CNTNAP2: variants seen among roughly 807,000 people sequenced by gnomAD.
CNTNAP2 encodes contactin-associated protein-like 2.
CNTNAP2 carries 98 observed loss-of-function variants against 155.2 expected under a neutral mutation model. That is an observed-to-expected ratio of 0.63 (90% CI 0.54 to 0.75). CNTNAP2 has a LOEUF of 0.75. Ranked by LOEUF, CNTNAP2 falls within the 30% of genes least tolerant of loss-of-function variation. The probability of loss-of-function intolerance (pLI) is 0.00; values close to 1 mark genes in which losing one functional copy is unlikely to be tolerated. For missense variants in CNTNAP2, 1,727 were observed against 1,688.1 expected (o/e 1.02, Z -0.40); for synonymous variants, 651 against 631.2 (o/e 1.03, Z -0.47).
At position 146,895,229 on chromosome 7, in the gene CNTNAP2, C is replaced by CT. The variant is rs903287352; in HGVS notation, c.402+55331dup. On this transcript the variant is annotated intron_variant, in intron 3 of 23. Coordinates refer to ENST00000361727, the MANE Select transcript of CNTNAP2 (RefSeq NM_014141.6). ...TTCCTTCCTTCCTTTTCCTTCCTTCCTTTTTTCTTTCCTTCCTTATTCTTA... is the reference window on the plus strand; with the variant it reads ...TTCCTTCCTTCCTTTTCCTTCCTTCCTTTTTTTCTTTCCTTCCTTATTCTTA... Among the ~76,000 whole-genome samples, 6 of 150,450 alleles carry CT rather than the reference C, an allele frequency of 4.0e-5. No individual in the cohort carries two copies. The East Asian group carries it at 9.8e-4, about 25-fold the overall frequency.
intron 10 of CNTNAP2, among the ~76,000 whole-genome samples, chr7:147,408,454 G>A (rs1218564394): frequency 6.6e-6 from 1 of 152,168 alleles, no homozygotes; most frequent in Non-Finnish European, 1.5e-5. Context: ...GAATTTAGGG[G>A]GATCCTAATG....
chr7:148,233,657 C>G (rs1796000005), intron 20 of CNTNAP2, among the ~76,000 whole-genome samples: 1 of 152,208 alleles, frequency 6.6e-6, no homozygotes, highest in African/African-American at 2.4e-5. Context: ...TGTATTGGTG[C>G]TTACTGTGTC....
chr7:147,087,851 C>T (rs1800313186), intron 4 of CNTNAP2, among the ~76,000 whole-genome samples: 1 of 152,090 alleles, frequency 6.6e-6, no homozygotes, highest in Non-Finnish European at 1.5e-5. Context: ...GTGGCGCACA[C>T]CTGTAGTCCC....
At chr7:148,237,069 C>T (rs1796054240) in intron 20 of CNTNAP2, among the ~76,000 whole-genome samples, 1 of 152,198 alleles carries the variant, frequency 6.6e-6, no homozygotes, top group South Asian at 2.1e-4. Flanking sequence ...CTCTGTCTTT[C>T]AAGTCCCTAA....
At chr7:146,988,377 T>C (rs563685744) in intron 3 of CNTNAP2, among the ~76,000 whole-genome samples, 3 of 152,114 alleles carry the variant, frequency 2.0e-5, no homozygotes, top group Non-Finnish European at 4.4e-5. Context: ...TCTATCTTAT[T>C]TTCAGATCGT....
chr7:147,699,202 G>A (rs1049831073), intron 13 of CNTNAP2, among the ~76,000 whole-genome samples: 3 of 149,520 alleles, frequency 2.0e-5, no homozygotes, highest in African/African-American at 7.4e-5. Flanking sequence ...ACGGGTTGGA[G>A]TTCATGCCTC....
chr7:147,451,536 G>A (rs1797833708), intron 10 of CNTNAP2, among the ~76,000 whole-genome samples: 1 of 151,926 alleles, frequency 6.6e-6, no homozygotes, highest in African/African-American at 2.4e-5. Context: ...AGAAACAGTG[G>A]GAGTAATAAT....
At chr7:147,257,021 AAGTG>A (rs570801980) in intron 8 of CNTNAP2, among the ~76,000 whole-genome samples, 16 of 152,300 alleles carry the variant, frequency 1.1e-4, no homozygotes, top group South Asian at 6.2e-4. Flanking sequence ...CACGTGGACT[AAGTG>A]AGAGAATTTT....
At chr7:147,849,284 T>G (rs1279393735) in intron 13 of CNTNAP2, among the ~76,000 whole-genome samples, 1 of 152,244 alleles carries the variant, frequency 6.6e-6, no homozygotes, top group African/African-American at 2.4e-5. Flanking sequence ...AACACGATTA[T>G]GAATGTTAAT....
chr7:146,861,841 A>T (rs181728026), intron 3 of CNTNAP2, among the ~76,000 whole-genome samples: 219 of 152,304 alleles, frequency 1.4e-3, no homozygotes, highest in African/African-American at 4.9e-3. Flanking sequence ...AATATTTAAA[A>T]GATATCGTAT....
intron 14 of CNTNAP2, among the ~76,000 whole-genome samples, chr7:147,927,297 C>T (rs1800413145): frequency 6.6e-6 from 1 of 152,138 alleles, no homozygotes; most frequent in Non-Finnish European, 1.5e-5. Context: ...ACAGTCGCCA[C>T]TTATGCCATA....
chr7:147,294,002 T>C (rs1805367213), intron 8 of CNTNAP2, among the ~76,000 whole-genome samples: 1 of 152,182 alleles, frequency 6.6e-6, no homozygotes, highest in African/African-American at 2.4e-5. Flanking sequence ...TTTTAGAAGG[T>C]ACAGTTGAAA....
intron 1 of CNTNAP2, among the ~76,000 whole-genome samples, chr7:146,739,327 G>T (rs1197407428): frequency 1.3e-5 from 2 of 151,746 alleles, no homozygotes; most frequent in Non-Finnish European, 2.9e-5. Flanking sequence ...GCTCTCCCAG[G>T]GGTTTTGGTA....
chr7:146,529,673 A>G (rs1487326982), intron 1 of CNTNAP2, among the ~76,000 whole-genome samples: 1 of 152,084 alleles, frequency 6.6e-6, no homozygotes, highest in Non-Finnish European at 1.5e-5. Context: ...ACTGGCTAAT[A>G]TTAAAATGTA....
chr7:146,603,013 A>G (rs1425497357), intron 1 of CNTNAP2, among the ~76,000 whole-genome samples: 1 of 151,548 alleles, frequency 6.6e-6, no homozygotes, highest in Non-Finnish European at 1.5e-5. Flanking sequence ...AGAGTGTGTA[A>G]CTTAAATGCT....
intron 13 of CNTNAP2, among the ~76,000 whole-genome samples, chr7:147,675,648 A>T (rs900056933): frequency 2.0e-5 from 3 of 152,070 alleles, no homozygotes; most frequent in African/African-American, 7.2e-5. Flanking sequence ...TCTTCTAGAA[A>T]CACTTCACAG....
At chr7:148,154,095 T>C (rs1805356566) in intron 17 of CNTNAP2, among the ~76,000 whole-genome samples, 1 of 152,218 alleles carries the variant, frequency 6.6e-6, no homozygotes, top group African/African-American at 2.4e-5. Context: ...GATATCTCTC[T>C]AGAGGTTAAA....
chr7:148,253,495 C>T (rs759234915), intron 20 of CNTNAP2, among the ~76,000 whole-genome samples: 3 of 152,168 alleles, frequency 2.0e-5, no homozygotes, highest in Non-Finnish European at 2.9e-5. Context: ...GAATCTAAAG[C>T]GCCTTGAGCC....
intron 3 of CNTNAP2, among the ~76,000 whole-genome samples, chr7:146,954,687 T>C: frequency 6.6e-6 from 1 of 152,054 alleles, no homozygotes; most frequent in Non-Finnish European, 1.5e-5. Flanking sequence ...TATTTTCTTT[T>C]GTGATATGTG....
Sources: allele counts gnomAD v4.1 joint callset (sites outside exome capture counted in the v4.1 genomes callset), GRCh38; gene constraint gnomAD v4.1.1; transcripts MANE v1.5; gene names NCBI Gene and HGNC (gene_info 2026-07-23, HGNC 2026-07-21).